The following RIMS1 variants were observed in gnomAD, a reference collection of about 807,000 sequenced individuals.
RIMS1 encodes the protein regulating synaptic membrane exocytosis protein 1.
In RIMS1, 83 loss-of-function variants were observed where a neutral mutation model predicts 214.1. The observed-to-expected ratio is 0.39, with a 90% confidence interval of 0.32 to 0.47. RIMS1 has a LOEUF of 0.47. RIMS1 is among the 20% of genes least tolerant of loss of function. The probability of loss-of-function intolerance (pLI) is 0.99; values close to 1 mark genes in which losing one functional copy is unlikely to be tolerated. For synonymous variants in RIMS1, 793 were observed against 786.8 expected (o/e 1.01, Z -0.13); for missense variants, 2,050 against 2,161.8 (o/e 0.95, Z 1.03).
chr6:72,271,284 AAAATATATATAT>A (rs1335896037), intron 22 of RIMS1, among the ~76,000 whole-genome samples: 549 of 23,898 alleles, frequency 0.023, 10 homozygotes, highest in East Asian at 0.098. Flanking sequence ...AAAAAAAAAA[AAAATATATATAT>A]ATATATATAT....
At chr6:72,008,981 A>T (rs939693830) in intron 2 of RIMS1, among the ~76,000 whole-genome samples, 1 of 152,204 alleles carries the variant, frequency 6.6e-6, no homozygotes, top group Non-Finnish European at 1.5e-5. Context: ...GGCCTAAAAG[A>T]CACCTACAGA....
At chr6:72,037,806 CT>C (rs1239830978) in intron 2 of RIMS1, among the ~76,000 whole-genome samples, 9 of 151,694 alleles carry the variant, frequency 5.9e-5, no homozygotes, top group Non-Finnish European at 8.8e-5. Flanking sequence ...CTCACTCTTC[CT>C]ATTTTTGGTT....
At chr6:72,282,991 C>T (rs1397450819) in intron 23 of RIMS1, among the ~76,000 whole-genome samples, 1 of 152,030 alleles carries the variant, frequency 6.6e-6, no homozygotes, top group Admixed American at 6.6e-5. Flanking sequence ...AACTCTGTAA[C>T]AGCCTGTGAA....
At chr6:72,192,882 G>A (rs2050285169) in intron 6 of RIMS1, among the ~76,000 whole-genome samples, 1 of 152,118 alleles carries the variant, frequency 6.6e-6, no homozygotes, top group Admixed American at 6.5e-5. Flanking sequence ...ATTGAGGGTG[G>A]TCTGCCTTTC....
chr6:72,196,371 C>G (rs375945309), intron 6 of RIMS1, among the ~76,000 whole-genome samples: 1 of 126,662 alleles, frequency 7.9e-6, no homozygotes, highest in Non-Finnish European at 1.6e-5. Flanking sequence ...GTCTGTCTGT[C>G]TGTCTGTCTA....
At chr6:71,917,729 A>T (rs997835459) in intron 1 of RIMS1, among the ~76,000 whole-genome samples, 5 of 152,192 alleles carry the variant, frequency 3.3e-5, no homozygotes, top group African/African-American at 1.2e-4. Flanking sequence ...TATTGCAGAT[A>T]TTCAGGTGAG....
rs772745648 is a variant in RIMS1, at chr6:72,097,063, T to A, written c.360T>A (p.His120Gln). ...KDDAPTCGIC[H>Q]KTKFADGCGH... ...ATGCTCCGACTTGTGGAATCTGTCA[T>A]AAAACAAAGTTTGCTGATGGGTGCG... is the stretch of plus-strand genomic sequence containing the variant. The change falls in exon 3 of 34, where the codon CAT becomes CAA. Residue 120 changes from histidine to glutamine, a missense_variant. Coordinates refer to ENST00000521978, the MANE Select transcript of RIMS1 (RefSeq NM_014989.7). 6.2e-7 allele frequency: 1 copy of A among 1,614,002 alleles called. No homozygotes were observed. The highest frequency in any genetic ancestry group is 1.1e-5 in the South Asian group (1 of 91,084).
intron 6 of RIMS1, 104 bp from the exon 7 acceptor site, chr6:72,233,669 G>A (rs2062887658): frequency 2.3e-6 from 2 of 852,846 alleles, no homozygotes; most frequent in Non-Finnish European, 3.9e-6. Context: ...ACACGCTCAA[G>A]CTTATGATAT....
At chr6:72,363,745 A>G (rs182081437) in intron 29 of RIMS1, among the ~76,000 whole-genome samples, 1 of 152,304 alleles carries the variant, frequency 6.6e-6, no homozygotes, top group Non-Finnish European at 1.5e-5. Flanking sequence ...TTTGCATTTT[A>G]TTTCAAATTG....
intron 2 of RIMS1, among the ~76,000 whole-genome samples, chr6:72,001,980 G>T (rs1240844287): frequency 6.6e-6 from 1 of 152,104 alleles, no homozygotes; most frequent in Admixed American, 6.6e-5. Context: ...TATAATGTAA[G>T]CTGTTCAAAT....
chr6:72,144,491 T>C (rs532010227), intron 4 of RIMS1, among the ~76,000 whole-genome samples: 48 of 152,158 alleles, frequency 3.2e-4, no homozygotes, highest in Non-Finnish European at 4.9e-4. Context: ...AAAATGAAAG[T>C]AGAGGATAAA....
chr6:72,090,214 C>A (rs1391345048), intron 2 of RIMS1, among the ~76,000 whole-genome samples: 1 of 151,944 alleles, frequency 6.6e-6, no homozygotes, highest in Non-Finnish European at 1.5e-5. Context: ...GCTTTGTTGC[C>A]CAGGCATTTC....
intron 2 of RIMS1, among the ~76,000 whole-genome samples, chr6:72,035,652 A>C (rs1677452192): frequency 6.6e-6 from 1 of 152,170 alleles, no homozygotes; most frequent in African/African-American, 2.4e-5. Context: ...TGACTCAAGA[A>C]AACCAGTCCT....
intron 22 of RIMS1, among the ~76,000 whole-genome samples, chr6:72,271,285 AAATATATATAT>A (rs1455781118): frequency 0.023 from 530 of 22,888 alleles, 11 homozygotes; most frequent in East Asian, 0.2. Context: ...AAAAAAAAAA[AAATATATATAT>A]ATATATATAT....
intron 29 of RIMS1, among the ~76,000 whole-genome samples, chr6:72,352,652 G>A (rs980145537): frequency 6.6e-6 from 1 of 152,114 alleles, no homozygotes; most frequent in Non-Finnish European, 1.5e-5. Context: ...CAGGTGCCCA[G>A]GTTCTTTACA....
At chr6:72,384,311 G>A (rs1350568722) in intron 29 of RIMS1, among the ~76,000 whole-genome samples, 1 of 152,014 alleles carries the variant, frequency 6.6e-6, no homozygotes, top group East Asian at 1.9e-4. Context: ...AATAGTCATA[G>A]GAGCTGTCTC....
In RIMS1 at chr6:72,333,751, A is replaced by C; in HGVS notation, c.4282A>C (p.Lys1428Gln). 6.3e-7 allele frequency: 1 copy of C among 1,599,930 alleles called. No individual in the cohort carries two copies. Among genetic ancestry groups the C allele is most frequent in the Non-Finnish European group, 8.5e-7 (1 of 1,173,186 alleles). ...TAVGTVGAGG[K>Q]KRRSSLSAKV... The stretch of plus-strand genomic sequence containing the variant: ...TGTGGGTACAGTTGGAGCAGGTGGA[A>C]AGAAACGGAGATCCAGCCTTAGTGC... The change falls in exon 29 of 34, where the codon AAG becomes CAG. Residue 1428 changes from lysine to glutamine, a missense_variant. By Grantham distance (53) the Lys-to-Gln change is moderately conservative. Around this residue, in one of 6 missense-constraint regions of RIMS1, gnomAD observed 889 missense variants for 885.5 expected, o/e 1.00. Coordinates refer to ENST00000521978, the MANE Select transcript of RIMS1 (RefSeq NM_014989.7).
chr6:72,003,296 T>C (rs539048836), intron 2 of RIMS1, among the ~76,000 whole-genome samples: 2 of 152,262 alleles, frequency 1.3e-5, no homozygotes, highest in East Asian at 3.9e-4. Context: ...ACCTAAACTT[T>C]TCCTTCTTGA....
intron 1 of RIMS1, among the ~76,000 whole-genome samples, chr6:71,945,171 T>C (rs1022004436): frequency 3.9e-5 from 6 of 152,088 alleles, no homozygotes; most frequent in Admixed American, 2.0e-4. Flanking sequence ...CAGCAAAAGA[T>C]GGTGAAGTAA....
Sources: allele counts gnomAD v4.1 joint callset (sites outside exome capture counted in the v4.1 genomes callset), GRCh38; gene constraint gnomAD v4.1.1; regional missense constraint gnomAD v4.1.1; transcripts MANE v1.5; gene names NCBI Gene and HGNC (gene_info 2026-07-23, HGNC 2026-07-21).